Variants in EDIL3 observed in about 807,000 individuals in gnomAD.
The protein encoded by EDIL3 is EGF like and discoidin domains 3.
A neutral mutation model predicts 67.4 loss-of-function variants in EDIL3; 37 were observed. The ratio of observed to expected loss-of-function variants is 0.55; its 90% CI spans 0.42 to 0.72. The LOEUF is 0.72. Ranked by LOEUF, EDIL3 falls within the 30% of genes least tolerant of loss-of-function variation. The probability of loss-of-function intolerance (pLI) is 0.00; values close to 1 mark genes in which losing one functional copy is unlikely to be tolerated. For missense variants in EDIL3, 527 were observed against 586.3 expected (o/e 0.90, Z 1.04); for synonymous variants, 195 against 196.3 (o/e 0.99, Z 0.05).
At chr5:84,010,019 T>G (rs1373712562) in intron 9 of EDIL3, among the ~76,000 whole-genome samples, 3 of 152,194 alleles carry the variant, frequency 2.0e-5, no homozygotes, top group Non-Finnish European at 4.4e-5. Flanking sequence ...CTGAGCAAAG[T>G]GAAGTCAGGC....
chr5:84,348,464 A>G (rs1367737935), intron 1 of EDIL3, among the ~76,000 whole-genome samples: 1 of 152,152 alleles, frequency 6.6e-6, no homozygotes, highest in Non-Finnish European at 1.5e-5. Flanking sequence ...ATTCTAAAAA[A>G]TAATTATTAA....
intron 1 of EDIL3, among the ~76,000 whole-genome samples, chr5:84,323,396 A>C (rs1746687716): frequency 6.6e-6 from 1 of 151,978 alleles, no homozygotes. Flanking sequence ...CATAGTAACC[A>C]AAGAGAGTAG....
At chr5:83,986,458 CT>C (rs1431432069) in intron 9 of EDIL3, among the ~76,000 whole-genome samples, 1 of 152,116 alleles carries the variant, frequency 6.6e-6, no homozygotes, top group Non-Finnish European at 1.5e-5. Flanking sequence ...TTTTGAGGCT[CT>C]TTTCCATTTG....
At chr5:84,114,935 GCTT>G (rs1580333844) in intron 5 of EDIL3, among the ~76,000 whole-genome samples, 1 of 152,148 alleles carries the variant, frequency 6.6e-6, no homozygotes, top group Non-Finnish European at 1.5e-5. Flanking sequence ...GAGACAATAT[GCTT>G]CTTACAGGTA....
Position 84,312,379 on chromosome 5 carries a change from G to A in EDIL3, c.68-58167C>T, listed in dbSNP as rs188242085. ...CCGGACGGGGCGGCTGGCCGGGCGG[G>A]GGGCTGACTCCCCCACCACCCTCCC... On this transcript the variant is annotated intron_variant, in intron 1 of 10. Coordinates refer to ENST00000296591, the MANE Select transcript of EDIL3 (RefSeq NM_005711.5). 6.5e-3 allele frequency among the ~76,000 whole-genome samples: 885 copies of A among 135,206 alleles called. 3 individuals are homozygous for A. Among genetic ancestry groups the A allele is most frequent in the African/African-American group, 0.026 (822 of 31,652 alleles). The allele number at this position is 135,206 out of a possible 152,430, so 88.7% of individuals were successfully genotyped here. A position where few individuals can be genotyped will look rare whatever the true frequency, so the allele number is the denominator to read the frequency against.
At chr5:84,110,592 T>C (rs1041462266) in intron 5 of EDIL3, among the ~76,000 whole-genome samples, 5 of 152,328 alleles carry the variant, frequency 3.3e-5, no homozygotes, top group African/African-American at 1.2e-4. Context: ...CACATGTGTT[T>C]TCTCATATAA....
intron 9 of EDIL3, among the ~76,000 whole-genome samples, chr5:84,027,273 A>T (rs1025978842): frequency 6.6e-6 from 1 of 152,218 alleles, no homozygotes; most frequent in South Asian, 2.1e-4. Flanking sequence ...CTGAAGTATA[A>T]GCCCCAAAAG....
chr5:84,006,616 A>G (rs984904391), intron 9 of EDIL3, among the ~76,000 whole-genome samples: 46 of 152,114 alleles, frequency 3.0e-4, no homozygotes, highest in African/African-American at 1.0e-3. Flanking sequence ...AAAGTACTTA[A>G]CAGGTACTAT....
chr5:84,197,045 C>A (rs768867145), intron 3 of EDIL3: 9 of 151,912 alleles, frequency 5.9e-5, no homozygotes, highest in Non-Finnish European at 1.3e-4. Flanking sequence ...CAACAGGTCC[C>A]GCTTATTCTG....
intron 9 of EDIL3, among the ~76,000 whole-genome samples, chr5:84,014,941 A>T (rs1173655965): frequency 1.3e-5 from 2 of 152,200 alleles, no homozygotes; most frequent in Non-Finnish European, 2.9e-5. Context: ...TCATATTAGC[A>T]CATAGAAACA....
chr5:84,269,151 GCA>G (rs1745411349), intron 1 of EDIL3, among the ~76,000 whole-genome samples: 1 of 151,994 alleles, frequency 6.6e-6, no homozygotes, highest in Non-Finnish European at 1.5e-5. Context: ...GACAGAAATG[GCA>G]CATTGTTCCA....
intron 6 of EDIL3, among the ~76,000 whole-genome samples, chr5:84,067,987 T>C (rs1240236237): frequency 1.3e-5 from 2 of 152,214 alleles, no homozygotes; most frequent in African/African-American, 2.4e-5. Flanking sequence ...TAACCATGAG[T>C]ACATTTTAAG....
At chr5:84,139,951 G>A (rs1748160499) in intron 4 of EDIL3, among the ~76,000 whole-genome samples, 1 of 152,140 alleles carries the variant, frequency 6.6e-6, no homozygotes, top group Non-Finnish European at 1.5e-5. Flanking sequence ...AGAAGATGAA[G>A]GAGAGTGCTA....
chr5:84,384,468 C>A lies in EDIL3; in HGVS notation c.-94G>T. On this transcript the variant is annotated 5_prime_UTR_variant, in exon 1 of 11. Transcript: ENST00000296591. ...CAGCGCAGGGCAGCAGCAGACTCCG[C>A]CCCTACTAAAGAATTCAAGAAGACG... is the stretch of plus-strand genomic sequence containing the variant. 8.2e-7 allele frequency: 1 copy of A among 1,222,338 alleles called. No individual in the cohort carries two copies. Among genetic ancestry groups the A allele is most frequent in the Admixed American group, 1.9e-5 (1 of 52,284 alleles). 75.7% of individuals were successfully genotyped at this position (1,222,338 alleles called of 1,614,324 possible).
chr5:84,034,541 G>C (rs1195505206), intron 9 of EDIL3, among the ~76,000 whole-genome samples: 1 of 152,012 alleles, frequency 6.6e-6, no homozygotes, highest in Non-Finnish European at 1.5e-5. Flanking sequence ...ATCTGTCTTC[G>C]ACCCATCTTA....
chr5:84,234,328 G>A (rs868620658), intron 2 of EDIL3, among the ~76,000 whole-genome samples: 1 of 152,242 alleles, frequency 6.6e-6, no homozygotes, highest in East Asian at 1.9e-4. Flanking sequence ...GAAGTGTGGT[G>A]GTACTTGGGA....
At chr5:84,248,500 T>C (rs144651555) in intron 2 of EDIL3, among the ~76,000 whole-genome samples, 31 of 152,322 alleles carry the variant, frequency 2.0e-4, no homozygotes, top group African/African-American at 7.5e-4. Flanking sequence ...CATGTCTAGC[T>C]CTTCTATTCT....
At position 83,986,905 on chromosome 5, in the gene EDIL3, T is replaced by C. The variant is rs546295070; in HGVS notation, c.1138-23545A>G. ...GCTGGAGCACACAAGAGAATAACCA[T>C]GGGAGCAGGAGGCTGGAATGGAAGG... is the stretch of plus-strand genomic sequence containing the variant. On this transcript the variant is annotated intron_variant, in intron 9 of 10. Coordinates refer to ENST00000296591, the MANE Select transcript of EDIL3 (RefSeq NM_005711.5). 2.0e-5 allele frequency among the ~76,000 whole-genome samples: 3 copies of C among 152,040 alleles called. No individual in the cohort carries two copies. In the East Asian group the frequency reaches 5.8e-4, roughly 29 times the overall value.
chr5:84,174,481 T>G (rs1340882089), intron 4 of EDIL3, among the ~76,000 whole-genome samples: 1 of 152,200 alleles, frequency 6.6e-6, no homozygotes, highest in East Asian at 1.9e-4. Flanking sequence ...GGGTACCTAT[T>G]TTCCATTGCA....
Sources: allele counts gnomAD v4.1 joint callset (sites outside exome capture counted in the v4.1 genomes callset), GRCh38; gene constraint gnomAD v4.1.1; transcripts MANE v1.5; gene names NCBI Gene and HGNC (gene_info 2026-07-23, HGNC 2026-07-21).